Variants in IRAK1BP1 observed in about 807,000 individuals in gnomAD.
The protein encoded by IRAK1BP1 is interleukin-1 receptor-associated kinase 1-binding protein 1.
IRAK1BP1 carries 24 observed loss-of-function variants against 28.0 expected under a neutral mutation model. The ratio of observed to expected loss-of-function variants is 0.86; its 90% confidence interval spans 0.62 to 1.20. The LOEUF is 1.20. Among genes scored for constraint, IRAK1BP1 ranks in the 50% most tolerant of loss-of-function variants. The pLI is 0.00. For synonymous variants in IRAK1BP1, 131 were observed against 116.3 expected (o/e 1.13, Z -0.81); for missense variants, 336 against 316.7 (o/e 1.06, Z -0.46).
chr6:78,936,019 G>C (rs1460706863), intron 4 of IRAK1BP1: 1 of 152,044 alleles, frequency 6.6e-6, no homozygotes, highest in African/African-American at 2.4e-5. Flanking sequence ...CCACGTAACA[G>C]TAAAGAAAGG....
chr6:78,891,107 A>T (rs1051627743), intron 2 of IRAK1BP1, among the ~76,000 whole-genome samples: 2 of 152,230 alleles, frequency 1.3e-5, no homozygotes, highest in African/African-American at 4.8e-5. Context: ...AATTAATTTG[A>T]CCTATTTATT....
chr6:78,951,341 C>A (rs543984621), downstream of IRAK1BP1, among the ~76,000 whole-genome samples: 1 of 151,954 alleles, frequency 6.6e-6, no homozygotes, highest in Non-Finnish European at 1.5e-5. Flanking sequence ...AATAAATGAA[C>A]GTTGTAGAAT....
intron 4 of IRAK1BP1, chr6:78,940,290 A>C (rs1471979828): frequency 6.6e-6 from 1 of 151,928 alleles, no homozygotes; most frequent in Admixed American, 6.6e-5. Context: ...CTTGGTCAAA[A>C]ATAATTCATT....
chr6:78,935,078 T>C (rs1375865037), intron 4 of IRAK1BP1, among the ~76,000 whole-genome samples: 1 of 152,274 alleles, frequency 6.6e-6, no homozygotes, highest in East Asian at 1.9e-4. Context: ...GTCATAAAAT[T>C]GGTATTATTA....
the IRAK1BP1 span, among the ~76,000 whole-genome samples, chr6:78,963,680 G>C: frequency 2.0e-5 from 3 of 152,180 alleles, no homozygotes; most frequent in Non-Finnish European, 2.9e-5. Flanking sequence ...GGAACAGAGA[G>C]AATTATGAAA....
the IRAK1BP1 span, chr6:78,954,915 T>A: frequency 1.9e-6 from 3 of 1,588,546 alleles, no homozygotes; most frequent in African/African-American, 2.7e-5. Context: ...CATGCTTGAA[T>A]ATCGTAAGAC....
rs1304822359 is a variant in IRAK1BP1 at position 78,946,184 on chromosome 6, G to A, written c.*844G>A. ...GCATTGTGTCTTGGCGGTATTGATC[G>A]TGTAGGTGTAGAGAATGCAGAGGTA... is the stretch of plus-strand genomic sequence containing the variant. On this transcript the variant is annotated 3_prime_UTR_variant and NMD_transcript_variant, in exon 5 of 5. Transcript: ENST00000606868. The A allele has an allele frequency of 1.2e-6, 2 of 1,613,458 alleles. No individual in the cohort carries two copies. Among genetic ancestry groups the A allele is most frequent in the African/African-American group, 1.3e-5 (1 of 74,912 alleles).
Position 78,867,637 on chromosome 6 carries a change from C to A in IRAK1BP1, c.61C>A (p.Arg21=). Residue 21 remains arginine (R), a synonymous_variant, in exon 1 of 4, where the codon CGG becomes AGG. Transcript: ENST00000369940. ...VFVELVPWAD[R]SRENNLASGR... ...CGTGGAACTGGTTCCCTGGGCTGAC[C>A]GGAGCCGGGAGAACAACCTGGCCTC... is the stretch of plus-strand genomic sequence containing the variant. 1.2e-6 allele frequency: 2 copies of A among 1,614,186 alleles called. No homozygotes were observed. The highest frequency in any genetic ancestry group is 2.2e-5 in the South Asian group (2 of 91,082).
intron 4 of IRAK1BP1, among the ~76,000 whole-genome samples, chr6:78,944,196 G>C (rs1773676238): frequency 6.6e-6 from 1 of 152,052 alleles, no homozygotes; most frequent in Non-Finnish European, 1.5e-5. Context: ...GGATACAAAA[G>C]AGAGAAAGAA....
rs764553734 is a variant in IRAK1BP1 at position 78,946,059 on chromosome 6, A to T, written c.*719A>T. 21 of 1,612,518 alleles carry T rather than the reference A, an allele frequency of 1.3e-5. No individual in the cohort carries two copies. In the African/African-American group the frequency reaches 2.7e-4, roughly 21 times the overall value. On this transcript the variant is annotated 3_prime_UTR_variant and NMD_transcript_variant, in exon 5 of 5. Coordinates refer to the IRAK1BP1 transcript ENST00000606868. ...TTGTAATAAAAGTCTTTGCAGCTGA[A>T]GAAGTAGATGGTTGCTCAGTGACAA...
At chr6:78,872,994 G>A (rs575094181) in intron 1 of IRAK1BP1, among the ~76,000 whole-genome samples, 1 of 152,152 alleles carries the variant, frequency 6.6e-6, no homozygotes, top group East Asian at 1.9e-4. Context: ...GATGGCTCAT[G>A]CCTGTAATCC....
In IRAK1BP1 at chr6:78,939,524, A is replaced by T. The variant is rs181958712; in HGVS notation, c.*68-5884A>T. ...GACATTTTAAAATTATTTTTATTCT[A>T]CTGCTATCTAAAAAATCCTGAAAAA... is the stretch of plus-strand genomic sequence containing the variant. On this transcript the variant is annotated intron_variant and NMD_transcript_variant, in intron 4 of 4. Coordinates refer to the IRAK1BP1 transcript ENST00000606868. The T allele has an allele frequency of 2.8e-4, 42 of 151,992 alleles. No homozygotes were observed. In the East Asian group the frequency reaches 7.3e-3, roughly 26 times the overall value. 9.4% of individuals were successfully genotyped at this position (151,992 alleles called of 1,614,324 possible). A position where few individuals can be genotyped will look rare whatever the true frequency, so the allele number is the denominator to read the frequency against.
At chr6:78,950,749 T>C (rs1774096385), downstream of IRAK1BP1, among the ~76,000 whole-genome samples, 1 of 152,170 alleles carries the variant, frequency 6.6e-6, no homozygotes, top group Admixed American at 6.5e-5. Context: ...TGTGTAAATC[T>C]TAACAGAGGC....
intron 1 of IRAK1BP1, among the ~76,000 whole-genome samples, chr6:78,883,357 A>G (rs1771299452): frequency 6.6e-6 from 1 of 152,208 alleles, no homozygotes; most frequent in African/African-American, 2.4e-5. Context: ...GTTTATTAAA[A>G]TGTTTACTAA....
At chr6:78,904,036 T>C (rs1488876759), downstream of IRAK1BP1, among the ~76,000 whole-genome samples, 1 of 152,214 alleles carries the variant, frequency 6.6e-6, no homozygotes, top group Non-Finnish European at 1.5e-5. Context: ...AAAAGTTGGC[T>C]GTGAGGTATC....
chr6:78,907,957 A>G (rs1772301778), downstream of IRAK1BP1, among the ~76,000 whole-genome samples: 1 of 151,582 alleles, frequency 6.6e-6, no homozygotes, highest in African/African-American at 2.4e-5. Flanking sequence ...TGACCTCTTG[A>G]TCCGCCCGCC....
chr6:78,903,870 T>A (rs1426578222), downstream of IRAK1BP1, among the ~76,000 whole-genome samples: 1 of 152,222 alleles, frequency 6.6e-6, no homozygotes, highest in African/African-American at 2.4e-5. Context: ...ATAGTTTCAG[T>A]GCTTCATATG....
At chr6:78,967,809 G>C in the IRAK1BP1 span, among the ~76,000 whole-genome samples, 2 of 151,942 alleles carry the variant, frequency 1.3e-5, no homozygotes, top group African/African-American at 4.8e-5. Flanking sequence ...TATTTGTTCC[G>C]CAATTTATTG....
rs1333200868 is a variant in IRAK1BP1 at position 78,923,714 on chromosome 6, C to T, written c.*67+20604C>T. 2.0e-5 allele frequency among the ~76,000 whole-genome samples: 3 copies of T among 152,150 alleles called. 1 individual carries two copies. Among genetic ancestry groups the T allele is most frequent in the Non-Finnish European group, 1.5e-5 (1 of 68,030 alleles). ...GTAAAAGAACAGAAATTATAACAAA[C>T]TGTGTCTCAGACCACAGTGCAATCA... is the stretch of plus-strand genomic sequence containing the variant. On this transcript the variant is annotated intron_variant and NMD_transcript_variant, in intron 4 of 4. Transcript: ENST00000606868.
Sources: gnomAD v4.1 joint callset for allele counts (sites outside exome capture counted in the v4.1 genomes callset) on GRCh38, gnomAD v4.1.1 for gene constraint, MANE v1.5 for transcripts, NCBI Gene and HGNC (gene_info 2026-07-23, HGNC 2026-07-21) for gene names.